The following PHYHIPL variants were observed in gnomAD, a reference collection of about 807,000 sequenced individuals.
PHYHIPL encodes phytanoyl-CoA 2-hydroxylase interacting protein like.
In PHYHIPL, 9 loss-of-function variants were observed where a neutral mutation model predicts 33.4. The observed-to-expected ratio is 0.27, with a 90% CI of 0.16 to 0.47. The LOEUF is 0.47. Ranked by LOEUF, PHYHIPL falls within the 20% of genes least tolerant of loss-of-function variation. The pLI is 0.99. For missense variants in PHYHIPL, 365 were observed against 460.7 expected (o/e 0.79, Z 1.90); for synonymous variants, 153 against 154.1 (o/e 0.99, Z 0.05).
intron 1 of PHYHIPL, among the ~76,000 whole-genome samples, chr10:59,220,342 C>G (rs747049431): frequency 4.6e-5 from 7 of 151,968 alleles, no homozygotes; most frequent in Non-Finnish European, 1.0e-4. Flanking sequence ...CACAGGTAAG[C>G]CTGTGTTACA....
intron 1 of PHYHIPL, among the ~76,000 whole-genome samples, chr10:59,185,431 G>A (rs1330755865): frequency 6.6e-6 from 1 of 152,176 alleles, no homozygotes; most frequent in African/African-American, 2.4e-5. Flanking sequence ...ACATACGTGT[G>A]CATGTGTCTT....
At chr10:59,198,952 A>G (rs181605644) in intron 1 of PHYHIPL, among the ~76,000 whole-genome samples, 117 of 152,264 alleles carry the variant, frequency 7.7e-4, no homozygotes, top group African/African-American at 2.5e-3. Context: ...GATTCTAGAT[A>G]TTAGCCCTTT....
intron 4 of PHYHIPL, among the ~76,000 whole-genome samples, chr10:59,241,434 C>T (rs1033375145): frequency 2.0e-5 from 3 of 152,102 alleles, no homozygotes; most frequent in Non-Finnish European, 4.4e-5. Context: ...AATGAAAACA[C>T]CACTTTCTTT....
intron 1 of PHYHIPL, among the ~76,000 whole-genome samples, chr10:59,205,936 G>A (rs1839271684): frequency 6.6e-6 from 1 of 152,152 alleles, no homozygotes; most frequent in South Asian, 2.1e-4. Flanking sequence ...TTCTGCATCT[G>A]AGAACAGATA....
chr10:59,219,000 G>A (rs149625643), intron 1 of PHYHIPL, among the ~76,000 whole-genome samples: 162 of 151,734 alleles, frequency 1.1e-3, no homozygotes, highest in African/African-American at 3.8e-3. Context: ...GCACAATCTC[G>A]GCTCACTGCA....
chr10:59,230,255 C>T (rs1840041820), intron 1 of PHYHIPL, among the ~76,000 whole-genome samples: 1 of 149,928 alleles, frequency 6.7e-6, no homozygotes, highest in African/African-American at 2.5e-5. Context: ...ACTCTGTCCC[C>T]CAGGCTGGAG....
At chr10:59,185,727 A>G (rs937856118) in intron 1 of PHYHIPL, among the ~76,000 whole-genome samples, 2 of 152,046 alleles carry the variant, frequency 1.3e-5, no homozygotes, top group East Asian at 1.9e-4. Flanking sequence ...AATGATGAGC[A>G]TTTTTTCATG....
At chr10:59,242,719 A>G (rs916381141) in intron 4 of PHYHIPL, among the ~76,000 whole-genome samples, 1 of 152,210 alleles carries the variant, frequency 6.6e-6, no homozygotes, top group Admixed American at 6.5e-5. Flanking sequence ...ACAAAGAATT[A>G]AATGAAAATT....
At chr10:59,205,615 A>G (rs1158035310) in intron 1 of PHYHIPL, among the ~76,000 whole-genome samples, 1 of 152,184 alleles carries the variant, frequency 6.6e-6, no homozygotes, top group African/African-American at 2.4e-5. Flanking sequence ...ACAGAGTTTT[A>G]TGTGTAACCT....
Position 59,245,516 on chromosome 10 carries a change from G to C in PHYHIPL, c.1056G>C (p.Gln352His). The change falls in exon 5 of 5, where the codon CAG becomes CAC. Residue 352 changes from glutamine (Q) to histidine (H), a missense_variant. Gln to His is a conservative substitution (Grantham distance 24, BLOSUM62 0). Transcript: ENST00000373880. ...CCGTGGCAGAAATCACTGGTCATCA[G>C]CTCATGAGTTTGTCTACTGCAAATG... Reference protein sequence around the residue: ...VGTVAEITGHQLMSLSTANAK... With the variant: ...VGTVAEITGHHLMSLSTANAK... 1 of 1,614,102 alleles carries C rather than the reference G, an allele frequency of 6.2e-7. No individual in the cohort carries two copies. The highest frequency in any genetic ancestry group is 1.7e-5 in the Admixed American group (1 of 60,012).
rs536898038 is a variant in PHYHIPL, at chr10:59,197,954, A to G, written c.106+20995A>G. Among the ~76,000 whole-genome samples the G allele has an allele frequency of 1.1e-4, 17 of 152,196 alleles. No individual in the cohort carries two copies. The South Asian group carries it at 3.3e-3, about 30-fold the overall frequency. On this transcript the variant is annotated intron_variant, in intron 1 of 4. Transcript: ENST00000373880. ...GGGTTGTGCTTGAGGCTTGATTTGCATTTATGTCCTCTTGTGGTATGGAGC... is the reference window on the plus strand; with the variant it reads ...GGGTTGTGCTTGAGGCTTGATTTGCGTTTATGTCCTCTTGTGGTATGGAGC...
intron 1 of PHYHIPL, 151 bp downstream of exon 1, chr10:59,177,110 C>T (rs1407449806): frequency 4.6e-6 from 3 of 658,358 alleles, no homozygotes; most frequent in Non-Finnish European, 7.6e-6. Context: ...ACCCTCCGCC[C>T]ACCGCCCTCC....
intron 1 of PHYHIPL, among the ~76,000 whole-genome samples, chr10:59,199,722 T>A (rs1285935110): frequency 1.3e-5 from 2 of 152,210 alleles, no homozygotes; most frequent in Non-Finnish European, 2.9e-5. Context: ...TGTATCCTCT[T>A]TTATTTCTTT....
At chr10:59,222,576 G>C (rs1839808142) in intron 1 of PHYHIPL, among the ~76,000 whole-genome samples, 1 of 151,996 alleles carries the variant, frequency 6.6e-6, no homozygotes, top group South Asian at 2.1e-4. Context: ...ATATTTGAGA[G>C]AGAAGCATGA....
chr10:59,219,098 GA>G, intron 1 of PHYHIPL: 1 of 193,340 alleles, frequency 5.2e-6, no homozygotes, highest in Non-Finnish European at 9.5e-6. Flanking sequence ...TGTTTGCTTT[GA>G]AATTAGCTGA....
At chr10:59,231,016 C>T (rs1840065986) in intron 1 of PHYHIPL, among the ~76,000 whole-genome samples, 1 of 151,872 alleles carries the variant, frequency 6.6e-6, no homozygotes, top group African/African-American at 2.4e-5. Flanking sequence ...GACTTGAGGT[C>T]ACAGGCAGTA....
At chr10:59,185,292 A>T (rs200790247) in intron 1 of PHYHIPL, among the ~76,000 whole-genome samples, 1 of 151,988 alleles carries the variant, frequency 6.6e-6, no homozygotes, top group African/African-American at 2.4e-5. Context: ...GCCCGGCCGA[A>T]CTCATCATTT....
intron 4 of PHYHIPL, among the ~76,000 whole-genome samples, chr10:59,240,182 TTCCTGGTA>T (rs1218318961): frequency 6.6e-6 from 1 of 152,098 alleles, no homozygotes; most frequent in Non-Finnish European, 1.5e-5. Context: ...GTCCATATAT[TTCCTGGTA>T]GATACCATTC....
In PHYHIPL at chr10:59,247,498, A is replaced by G. The variant is rs1227327144; in HGVS notation, c.*1907A>G. On this transcript the variant is annotated 3_prime_UTR_variant, in exon 5 of 5. Transcript: ENST00000373880. ...CTATTCCTTCTTAAAAACAGCTAAT[A>G]CTACCACTAAAGTGCTTCCATTTTC... 1 of 1,274,958 alleles carries G rather than the reference A, an allele frequency of 7.8e-7. No individual in the cohort carries two copies. Among genetic ancestry groups the G allele is most frequent in the Non-Finnish European group, 1.1e-6 (1 of 896,324 alleles). The allele number at this position is 1,274,958 out of a possible 1,614,324, so 79.0% of individuals were successfully genotyped here. A position where few individuals can be genotyped will look rare whatever the true frequency, so the allele number is the denominator to read the frequency against.
Sources: gnomAD v4.1 joint callset for allele counts (sites outside exome capture counted in the v4.1 genomes callset) on GRCh38, gnomAD v4.1.1 for gene constraint, MANE v1.5 for transcripts, NCBI Gene and HGNC (gene_info 2026-07-23, HGNC 2026-07-21) for gene names.